LRRK2: variants seen among roughly 807,000 people sequenced by gnomAD.
LRRK2 encodes the protein leucine-rich repeat serine/threonine-protein kinase 2.
A neutral mutation model predicts 302.6 loss-of-function variants in LRRK2; 203 were observed. The observed-to-expected ratio is 0.67, with a 90% CI of 0.60 to 0.75. The LOEUF (loss-of-function observed/expected upper bound fraction) is 0.75, where lower values mean the gene tolerates loss of function less well. Among genes scored for constraint, LRRK2 ranks in the 30% least tolerant of loss-of-function variants. LRRK2 has a pLI of 0.00. For missense variants in LRRK2, 2,830 were observed against 2,951.0 expected (o/e 0.96, Z 0.95); for synonymous variants, 1,066 against 1,031.9 (o/e 1.03, Z -0.63).
chr12:40,231,390 CAAAAAAA>C (rs10631840), intron 2 of LRRK2, among the ~76,000 whole-genome samples: 2 of 106,674 alleles, frequency 1.9e-5, no homozygotes, highest in African/African-American at 7.4e-5. Flanking sequence ...CCTGTCTTCA[CAAAAAAA>C]AAAAAAAAAA....
At chr12:40,260,359 AT>A (rs1462437703) in intron 13 of LRRK2, among the ~76,000 whole-genome samples, 1 of 151,826 alleles carries the variant, frequency 6.6e-6, no homozygotes, top group Admixed American at 6.6e-5. Context: ...GGCACAAATA[AT>A]TTCTTCAAAG....
At chr12:40,239,210 A>T (rs1941610985) in intron 5 of LRRK2, among the ~76,000 whole-genome samples, 1 of 152,228 alleles carries the variant, frequency 6.6e-6, no homozygotes, top group African/African-American at 2.4e-5. Flanking sequence ...TACAAAGTGT[A>T]TTGCAGCGAG....
chr12:40,338,478 A>T (rs769430213), intron 40 of LRRK2, among the ~76,000 whole-genome samples: 5 of 152,236 alleles, frequency 3.3e-5, no homozygotes, highest in Non-Finnish European at 5.9e-5. Context: ...AATATAAACC[A>T]GTTTGTTTTA....
At chr12:40,327,628 C>T (rs1309173365) in intron 38 of LRRK2, among the ~76,000 whole-genome samples, 1 of 152,042 alleles carries the variant, frequency 6.6e-6, no homozygotes, top group Non-Finnish European at 1.5e-5. Context: ...TGTTTCTGAA[C>T]AGGAGAGTGA....
intron 2 of LRRK2, among the ~76,000 whole-genome samples, chr12:40,232,013 A>C (rs773073542): frequency 1.3e-5 from 2 of 151,814 alleles, no homozygotes; most frequent in African/African-American, 2.4e-5. Flanking sequence ...CATCTTGGCC[A>C]CATTGGTCTC....
chr12:40,230,262 A>C (rs1941114971), intron 2 of LRRK2, among the ~76,000 whole-genome samples: 1 of 152,194 alleles, frequency 6.6e-6, no homozygotes, highest in Non-Finnish European at 1.5e-5. Flanking sequence ...GTAATATTGT[A>C]AAGAGATCTT....
chr12:40,311,655 T>G (rs1470274100), intron 31 of LRRK2, among the ~76,000 whole-genome samples: 1 of 152,184 alleles, frequency 6.6e-6, no homozygotes, highest in African/African-American at 2.4e-5. Context: ...GCTGGCCAGT[T>G]AGCTTAGTTC....
chr12:40,316,260 TCCTAAATTCCATCTA>T, intron 33 of LRRK2: 1 of 895,434 alleles, frequency 1.1e-6, no homozygotes, highest in African/African-American at 1.8e-5. Flanking sequence ...GAATAATTGT[TCCTAAATTCCATCTA>T]AGGAAAAAAA....
intron 38 of LRRK2, among the ~76,000 whole-genome samples, chr12:40,324,118 A>C (rs1945480171): frequency 6.6e-6 from 1 of 152,156 alleles, no homozygotes; most frequent in Admixed American, 6.5e-5. Context: ...TGTAGATTAC[A>C]TGTGTGGTTT....
intron 44 of LRRK2, among the ~76,000 whole-genome samples, chr12:40,352,372 A>G (rs1592326864): frequency 6.6e-6 from 1 of 152,088 alleles, no homozygotes; most frequent in East Asian, 1.9e-4. Flanking sequence ...GTTGGCAAAT[A>G]TAAGATAAGT....
chr12:40,315,431 G>T, intron 33 of LRRK2, 131 bp downstream of exon 33: 2 of 765,576 alleles, frequency 2.6e-6, no homozygotes, highest in Non-Finnish European at 4.7e-6. Context: ...GAAAACTGTG[G>T]AACATTTCAC....
intron 18 of LRRK2, 61 bp from the exon 19 acceptor site, chr12:40,283,814 A>G: frequency 7.0e-7 from 1 of 1,422,414 alleles, no homozygotes; most frequent in Non-Finnish European, 9.6e-7. Flanking sequence ...TTGATTTGCC[A>G]GTCTCCTAAA....
chr12:40,256,627 C>A (rs1942521736), intron 11 of LRRK2, among the ~76,000 whole-genome samples: 1 of 152,190 alleles, frequency 6.6e-6, no homozygotes, highest in South Asian at 2.1e-4. Flanking sequence ...GCTTTCCATT[C>A]ATTTGTATAT....
intron 42 of LRRK2, 41 bp downstream of exon 42, chr12:40,346,964 A>G (rs200573483): frequency 4.6e-6 from 7 of 1,517,552 alleles, no homozygotes; most frequent in South Asian, 1.2e-5. Context: ...TTTTTTCTTA[A>G]TATCAGCAGC....
Position 40,322,514 on chromosome 12 carries a change from T to A in LRRK2, c.5509+4T>A, listed in dbSNP as rs1945434072. 1.2e-6 allele frequency: 2 copies of A among 1,611,666 alleles called. No individual in the cohort carries two copies. Among genetic ancestry groups the A allele is most frequent in the African/African-American group, 2.7e-5 (2 of 74,888 alleles). On this transcript the variant is annotated splice_donor_region_variant and intron_variant, in intron 37 of 50. Transcript: ENST00000298910. ...TTGATGAAGAAAGCAGAGGAAGGTA[T>A]GTTTTGATACAACTTACAAATGCTT...
Position 40,364,933 on chromosome 12 carries a change from C to T in LRRK2, c.7273C>T (p.Leu2425Phe), listed in dbSNP as rs766987860. 1 of 1,612,544 alleles carries T rather than the reference C, an allele frequency of 6.2e-7. No homozygotes were observed. The highest frequency in any genetic ancestry group is 8.5e-7 in the Non-Finnish European group (1 of 1,179,096). Residue 2425 changes from leucine to phenylalanine, a missense_variant, in exon 49 of 51, where the codon CTT becomes TTT. Transcript: ENST00000298910. ...CCTCTGCCTTCAGAAGAACACTGCTCTTTGGATAGGAACTGGAGGAGGCCA... is the reference window on the plus strand; with the variant it reads ...CCTCTGCCTTCAGAAGAACACTGCTTTTTGGATAGGAACTGGAGGAGGCCA... ...KTLCLQKNTA[L>F]WIGTGGGHIL...
intron 34 of LRRK2, among the ~76,000 whole-genome samples, chr12:40,320,461 G>T (rs1945367893): frequency 1.3e-5 from 2 of 151,934 alleles, no homozygotes; most frequent in African/African-American, 2.4e-5. Flanking sequence ...GTGTGTGTGT[G>T]TCTGTGTTTG....
chr12:40,301,752 C>T (rs1944634812), intron 25 of LRRK2, among the ~76,000 whole-genome samples: 1 of 151,896 alleles, frequency 6.6e-6, no homozygotes, highest in Non-Finnish European at 1.5e-5. Context: ...TCTCAAGTGT[C>T]TTAGTGTTCA....
rs375907016 is a variant in LRRK2, at chr12:40,328,478, A to G, written c.5757+18A>G. 3 of 1,525,868 alleles carry G rather than the reference A, an allele frequency of 2.0e-6. No homozygotes were observed. The highest frequency in any genetic ancestry group is 2.3e-5 in the East Asian group (1 of 43,152). 94.5% of individuals were successfully genotyped at this position (1,525,868 alleles called of 1,614,324 possible). ...TAAGACAAGTAAGAAATTCAATAAT[A>G]TAATTATATTAAATTGCACATTATT... On this transcript the variant is annotated intron_variant, in intron 39 of 50. Transcript: ENST00000298910.
Sources: gnomAD v4.1 joint callset for allele counts (sites outside exome capture counted in the v4.1 genomes callset) on GRCh38, gnomAD v4.1.1 for gene constraint, MANE v1.5 for transcripts, NCBI Gene and HGNC (gene_info 2026-07-23, HGNC 2026-07-21) for gene names.